PALM2AKAP2: variants seen among roughly 807,000 people sequenced by gnomAD.
PALM2AKAP2 encodes the protein PALM2 and AKAP2 fusion, also known as PALM2-AKAP2 fusion protein.
PALM2AKAP2 carries 37 observed loss-of-function variants against 71.5 expected under a neutral mutation model. The ratio of observed to expected loss-of-function variants is 0.52; its 90% CI spans 0.40 to 0.68. PALM2AKAP2 has a LOEUF of 0.68. PALM2AKAP2 is among the 30% of genes least tolerant of loss of function. PALM2AKAP2 has a pLI of 0.00. For missense variants in PALM2AKAP2, 1,224 were observed against 1,191.8 expected (o/e 1.03, Z -0.40); for synonymous variants, 468 against 478.8 (o/e 0.98, Z 0.29).
chr9:109,646,076 A>G (rs559580013), intron 1 of PALM2AKAP2, among the ~76,000 whole-genome samples: 1 of 152,194 alleles, frequency 6.6e-6, no homozygotes, highest in African/African-American at 2.4e-5. Flanking sequence ...TTGAAGTTAA[A>G]ATTTTTCTTA....
At chr9:109,847,123 G>A (rs1343150339) in intron 1 of PALM2AKAP2, among the ~76,000 whole-genome samples, 1 of 146,812 alleles carries the variant, frequency 6.8e-6, no homozygotes, top group African/African-American at 2.5e-5. Context: ...ACCTTATTTG[G>A]AAGAGGGGTT....
At chr9:109,803,406 C>T (rs1827486689) in intron 1 of PALM2AKAP2, among the ~76,000 whole-genome samples, 1 of 152,194 alleles carries the variant, frequency 6.6e-6, no homozygotes, top group Non-Finnish European at 1.5e-5. Context: ...TGTTGAATAG[C>T]ACACCTTCTT....
chr9:110,090,358 T>A (rs765539740), intron 1 of PALM2AKAP2: 2 of 456,710 alleles, frequency 4.4e-6, no homozygotes, highest in South Asian at 1.5e-5. Flanking sequence ...GAAGATCAGA[T>A]ATAACTGAGG....
rs546355301 is a variant in PALM2AKAP2 at position 109,957,568 on chromosome 9, TC to T, written c.496+25542del. On this transcript the variant is annotated intron_variant, in intron 6 of 9. Transcript: ENST00000302798. The stretch of plus-strand genomic sequence containing the variant: ...CTTCTCTCTTCACTCCTTTCTTCTC[TC>T]CTCTTTTCTACTGAATGAACTTAAA... Among the ~76,000 whole-genome samples, 18 of 152,310 alleles carry T rather than the reference TC, an allele frequency of 1.2e-4. No individual in the cohort carries two copies. In the East Asian group the frequency reaches 3.5e-3, roughly 29 times the overall value.
At chr9:109,824,642 T>A (rs1214984151) in intron 1 of PALM2AKAP2, among the ~76,000 whole-genome samples, 2 of 152,236 alleles carry the variant, frequency 1.3e-5, no homozygotes, top group African/African-American at 4.8e-5. Flanking sequence ...ATGTTGCTTT[T>A]AGTTTTCATC....
chr9:109,772,317 C>A (rs1286585468), intron 1 of PALM2AKAP2, among the ~76,000 whole-genome samples: 2 of 152,178 alleles, frequency 1.3e-5, no homozygotes, highest in Non-Finnish European at 2.9e-5. Flanking sequence ...GCTCCTGGCT[C>A]CCAGTCAAGC....
intron 1 of PALM2AKAP2, among the ~76,000 whole-genome samples, chr9:109,765,913 C>A (rs1308546581): frequency 1.3e-5 from 2 of 152,160 alleles, no homozygotes; most frequent in Non-Finnish European, 2.9e-5. Flanking sequence ...GACTTGGTAT[C>A]AACCCAGTGA....
At chr9:109,708,022 C>A (rs2118599981) in intron 1 of PALM2AKAP2, among the ~76,000 whole-genome samples, 1 of 152,298 alleles carries the variant, frequency 6.6e-6, no homozygotes, top group South Asian at 2.1e-4. Context: ...GACACCACAT[C>A]TCGCTCATTA....
intron 6 of PALM2AKAP2, among the ~76,000 whole-genome samples, chr9:109,965,029 T>C (rs1288172314): frequency 1.3e-5 from 2 of 152,244 alleles, no homozygotes; most frequent in East Asian, 1.9e-4. Flanking sequence ...CCTTGAATTA[T>C]GGAATCCTTA....
chr9:109,751,532 A>G (rs1377453650), intron 1 of PALM2AKAP2, among the ~76,000 whole-genome samples: 2 of 152,160 alleles, frequency 1.3e-5, no homozygotes, highest in Non-Finnish European at 2.9e-5. Context: ...TTCACTCCTA[A>G]AAGTCATATG....
chr9:109,829,440 A>G (rs560778599), intron 1 of PALM2AKAP2, among the ~76,000 whole-genome samples: 89 of 152,272 alleles, frequency 5.8e-4, no homozygotes, highest in African/African-American at 2.1e-3. Context: ...AGCACCCTGG[A>G]GCAAAGAGCC....
chr9:109,764,710 GTGGATGGATGGATGAATGGA>G (rs1045565656), intron 1 of PALM2AKAP2, among the ~76,000 whole-genome samples: 70 of 152,198 alleles, frequency 4.6e-4, no homozygotes, highest in Non-Finnish European at 8.1e-4. Context: ...TGAATGACTG[GTGGATGGATGGATGAATGGA>G]TGGATGGACG....
At chr9:109,945,894 C>T (rs1194757714) in intron 6 of PALM2AKAP2, 2 of 152,220 alleles carry the variant, frequency 1.3e-5, no homozygotes, top group Non-Finnish European at 2.9e-5. Context: ...TATCTGTATT[C>T]TCTTCACTAA....
intron 1 of PALM2AKAP2, among the ~76,000 whole-genome samples, chr9:109,672,189 AGG>A (rs1368923915): frequency 3.9e-5 from 6 of 152,160 alleles, no homozygotes; most frequent in Non-Finnish European, 7.4e-5. Context: ...CCGGTTTTCA[AGG>A]GGAATGCTTC....
chr9:109,779,297 A>G (rs986678461), upstream of PALM2AKAP2, among the ~76,000 whole-genome samples: 2 of 152,174 alleles, frequency 1.3e-5, no homozygotes, highest in Non-Finnish European at 2.9e-5. Context: ...ACCTGTCACA[A>G]AAGACTCACA....
At chr9:109,991,438 T>A (rs1832479738) in intron 6 of PALM2AKAP2, among the ~76,000 whole-genome samples, 1 of 151,932 alleles carries the variant, frequency 6.6e-6, no homozygotes, top group Non-Finnish European at 1.5e-5. Flanking sequence ...GGGGCCTCCC[T>A]GTGTTGCCTA....
intron 3 of PALM2AKAP2, among the ~76,000 whole-genome samples, chr9:109,896,443 A>G (rs147623179): frequency 1.0e-3 from 158 of 152,272 alleles, no homozygotes; most frequent in Middle Eastern, 3.4e-3. Flanking sequence ...GGGCATCTTC[A>G]TATTTTAAGG....
chr9:109,764,367 C>G (rs1036003604), intron 1 of PALM2AKAP2, among the ~76,000 whole-genome samples: 4 of 152,010 alleles, frequency 2.6e-5, no homozygotes, highest in African/African-American at 9.7e-5. Context: ...TCTAAACACA[C>G]TGCGCTCTTT....
intron 6 of PALM2AKAP2, among the ~76,000 whole-genome samples, chr9:109,954,658 TAAAAAAAAAAA>T (rs56743395): frequency 9.3e-6 from 1 of 107,940 alleles, no homozygotes; most frequent in African/African-American, 3.5e-5. Flanking sequence ...TAAAGTATAA[TAAAAAAAAAAA>T]AAAAAAAAAA....
Sources: gnomAD v4.1 joint callset for allele counts (sites outside exome capture counted in the v4.1 genomes callset) on GRCh38, gnomAD v4.1.1 for gene constraint, MANE v1.5 for transcripts, NCBI Gene and HGNC (gene_info 2026-07-23, HGNC 2026-07-21) for gene names.